Variants in KCNH1 observed in about 807,000 individuals in gnomAD.
KCNH1 encodes potassium voltage-gated channel subfamily H member 1.
A neutral mutation model predicts 69.2 loss-of-function variants in KCNH1; 27 were observed. The observed-to-expected ratio is 0.39, with a 90% CI of 0.29 to 0.54. KCNH1 has a LOEUF of 0.54. KCNH1 is among the 20% of genes least tolerant of loss of function. The pLI is 0.68. For missense variants in KCNH1, 798 were observed against 1,261.6 expected (o/e 0.63, Z 5.57); for synonymous variants, 456 against 487.7 (o/e 0.93, Z 0.86).
chr1:210,741,634 G>A (rs1683034084), intron 10 of KCNH1, among the ~76,000 whole-genome samples: 1 of 152,290 alleles, frequency 6.6e-6, no homozygotes, highest in South Asian at 2.1e-4. Context: ...GAGGATAGAG[G>A]CACAGGAGGT....
intron 6 of KCNH1, among the ~76,000 whole-genome samples, chr1:210,944,837 A>C (rs1687930976): frequency 6.6e-6 from 1 of 152,240 alleles, no homozygotes; most frequent in Non-Finnish European, 1.5e-5. Flanking sequence ...AAGGTTGTAC[A>C]ACCATCACCA....
chr1:210,862,380 C>A, intron 7 of KCNH1: 1 of 624,560 alleles, frequency 1.6e-6, no homozygotes, highest in South Asian at 1.7e-5. Context: ...CGGCAACTGG[C>A]GCAAAAGGGC....
chr1:210,707,761 T>C (rs1681949046), intron 10 of KCNH1, among the ~76,000 whole-genome samples: 1 of 152,144 alleles, frequency 6.6e-6, no homozygotes, highest in South Asian at 2.1e-4. Flanking sequence ...AGCCAGGCCA[T>C]TCCCTCCTCT....
At chr1:210,963,555 A>G (rs1688339110) in intron 6 of KCNH1, among the ~76,000 whole-genome samples, 1 of 152,134 alleles carries the variant, frequency 6.6e-6, no homozygotes, top group South Asian at 2.1e-4. Context: ...TGGTTAGTAG[A>G]GGAATTGCTA....
intron 4 of KCNH1, among the ~76,000 whole-genome samples, chr1:211,084,781 A>C (rs1047041924): frequency 2.0e-5 from 3 of 152,228 alleles, no homozygotes; most frequent in Non-Finnish European, 4.4e-5. Flanking sequence ...ATACTTTATA[A>C]TGGCAATCAT....
chr1:210,869,781 T>TA (rs1686198468), intron 7 of KCNH1, among the ~76,000 whole-genome samples: 1 of 152,148 alleles, frequency 6.6e-6, no homozygotes, highest in Non-Finnish European at 1.5e-5. Flanking sequence ...GCAAGGACCC[T>TA]AAATTTACCC....
At chr1:210,939,650 C>T (rs185532544) in intron 6 of KCNH1, among the ~76,000 whole-genome samples, 4 of 152,344 alleles carry the variant, frequency 2.6e-5, no homozygotes, top group Non-Finnish European at 5.9e-5. Flanking sequence ...CATTAACTCA[C>T]TTAATCATCA....
chr1:211,056,143 C>A (rs1412659948), intron 5 of KCNH1, among the ~76,000 whole-genome samples: 1 of 152,138 alleles, frequency 6.6e-6, no homozygotes, highest in Non-Finnish European at 1.5e-5. Flanking sequence ...GGCTTTGGCC[C>A]CTGGACCTGC....
At chr1:210,826,174 C>G (rs1334587687) in intron 7 of KCNH1, among the ~76,000 whole-genome samples, 1 of 151,974 alleles carries the variant, frequency 6.6e-6, no homozygotes, top group Non-Finnish European at 1.5e-5. Context: ...AGTTCTTCCC[C>G]AAAGATAGCC....
intron 8 of KCNH1, among the ~76,000 whole-genome samples, chr1:210,803,524 C>A (rs1266478970): frequency 6.6e-6 from 1 of 152,126 alleles, no homozygotes; most frequent in Non-Finnish European, 1.5e-5. Flanking sequence ...TGGTTTAATT[C>A]TAAGGTTAAT....
intron 6 of KCNH1, among the ~76,000 whole-genome samples, chr1:211,004,624 T>C (rs1274868931): frequency 1.3e-5 from 2 of 151,630 alleles, no homozygotes; most frequent in Non-Finnish European, 2.9e-5. Context: ...TAAGAGCAAA[T>C]AGCAAGACAG....
At chr1:210,881,344 C>G (rs1686490062) in intron 7 of KCNH1, among the ~76,000 whole-genome samples, 1 of 151,232 alleles carries the variant, frequency 6.6e-6, no homozygotes, top group Non-Finnish European at 1.5e-5. Flanking sequence ...TTAGAATGGC[C>G]CAAATCCAGA....
At chr1:210,806,146 T>C (rs1770221) in intron 7 of KCNH1, among the ~76,000 whole-genome samples, 39,734 of 152,102 alleles carry the variant, frequency 0.26, 5,388 homozygotes, top group African/African-American at 0.33. Flanking sequence ...GCAGAATTGA[T>C]TTCCAAAGTA....
intron 5 of KCNH1, among the ~76,000 whole-genome samples, chr1:211,051,107 C>T (rs573722938): frequency 6.6e-5 from 10 of 152,160 alleles, no homozygotes; most frequent in African/African-American, 4.8e-5. Context: ...AAGTGATTCT[C>T]GTGCCTCAGT....
At chr1:211,016,341 T>C (rs925150093) in intron 6 of KCNH1, among the ~76,000 whole-genome samples, 2 of 152,204 alleles carry the variant, frequency 1.3e-5, no homozygotes, top group Admixed American at 1.3e-4. Context: ...TATGTGTTTA[T>C]AGTTCTGCCA....
chr1:210,697,531 C>A (rs73067445), intron 10 of KCNH1, among the ~76,000 whole-genome samples: 100 of 152,352 alleles, frequency 6.6e-4, no homozygotes, highest in African/African-American at 2.3e-3. Flanking sequence ...TGATTTCAAT[C>A]CCAGATCATG....
chr1:211,027,212 AAT>A (rs1320761562), intron 5 of KCNH1, among the ~76,000 whole-genome samples: 1 of 152,204 alleles, frequency 6.6e-6, no homozygotes, highest in Non-Finnish European at 1.5e-5. Context: ...GTTTGAAACA[AAT>A]AGAAAGTCTC....
At chr1:211,034,224 CTA>C (rs1689853388) in intron 5 of KCNH1, among the ~76,000 whole-genome samples, 1 of 151,904 alleles carries the variant, frequency 6.6e-6, no homozygotes, top group Admixed American at 6.6e-5. Flanking sequence ...TGTGTTGCTT[CTA>C]TATATATCAT....
intron 10 of KCNH1, among the ~76,000 whole-genome samples, chr1:210,743,873 G>A (rs1683090791): frequency 6.6e-6 from 1 of 152,190 alleles, no homozygotes; most frequent in Non-Finnish European, 1.5e-5. Context: ...AGCTAGCTGG[G>A]ACTGGGAGCT....
Sources: gnomAD v4.1 joint callset for allele counts (sites outside exome capture counted in the v4.1 genomes callset) on GRCh38, gnomAD v4.1.1 for gene constraint, MANE v1.5 for transcripts, NCBI Gene and HGNC (gene_info 2026-07-23, HGNC 2026-07-21) for gene names.